Variants in RPTOR observed in about 807,000 individuals in gnomAD.
The protein encoded by RPTOR is regulatory-associated protein of mTOR.
In RPTOR, 21 loss-of-function variants were observed where a neutral mutation model predicts 169.9. The ratio of observed to expected loss-of-function variants is 0.12; its 90% CI spans 0.09 to 0.18. The LOEUF is 0.18. RPTOR is among the 10% of genes least tolerant of loss of function. RPTOR has a pLI of 1.00. For synonymous variants in RPTOR, 732 were observed against 753.2 expected (o/e 0.97, Z 0.46); for missense variants, 1,133 against 1,855.9 (o/e 0.61, Z 7.16).
chr17:80,594,460 A>C (rs2065130533), intron 1 of RPTOR, among the ~76,000 whole-genome samples: 4 of 152,242 alleles, frequency 2.6e-5, no homozygotes, highest in Admixed American at 2.6e-4. Flanking sequence ...CTACTATTAA[A>C]GGTGGACTTT....
chr17:80,843,277 C>G (rs1432657360), intron 10 of RPTOR, among the ~76,000 whole-genome samples: 5 of 152,166 alleles, frequency 3.3e-5, no homozygotes, highest in African/African-American at 4.8e-5. Context: ...TTTTTCTCTA[C>G]TAACAGTGAC....
chr17:80,955,538 C>G (rs1326772176), intron 28 of RPTOR, among the ~76,000 whole-genome samples: 1 of 152,128 alleles, frequency 6.6e-6, no homozygotes, highest in Non-Finnish European at 1.5e-5. Flanking sequence ...GTAAAGACAT[C>G]AATAGGTTTG....
intron 4 of RPTOR, among the ~76,000 whole-genome samples, chr17:80,711,455 G>A (rs983626414): frequency 2.0e-5 from 3 of 152,112 alleles, no homozygotes; most frequent in Non-Finnish European, 2.9e-5. Flanking sequence ...CCACATTACC[G>A]TCAAATTGCT....
rs150012849 is a variant in RPTOR, at chr17:80,688,812, A to G, written c.349-19029A>G. Among the ~76,000 whole-genome samples the G allele has an allele frequency of 2.1e-3, 326 of 152,318 alleles. 1 individual carries two copies. The highest frequency in any genetic ancestry group is 7.6e-3 in the African/African-American group (318 of 41,576). On this transcript the variant is annotated intron_variant, in intron 3 of 33. Transcript: ENST00000306801. ...AGTGGCAGGAATCGACTCCAAGGAC[A>G]CTGACCAGCTTGGGGCTGCTGCCTG...
chr17:80,655,598 G>T (rs1166906378), intron 3 of RPTOR, among the ~76,000 whole-genome samples: 2 of 149,458 alleles, frequency 1.3e-5, no homozygotes, highest in Admixed American at 1.3e-4. Context: ...TTTTGTAGAG[G>T]TGGTGTCTTG....
intron 5 of RPTOR, among the ~76,000 whole-genome samples, chr17:80,745,492 A>G (rs1190078013): frequency 6.8e-6 from 1 of 147,806 alleles, no homozygotes; most frequent in African/African-American, 2.5e-5. Flanking sequence ...TTTGATATAC[A>G]TAATTCTATC....
intron 4 of RPTOR, among the ~76,000 whole-genome samples, chr17:80,709,407 G>A (rs540433851): frequency 6.6e-6 from 1 of 152,186 alleles, no homozygotes; most frequent in South Asian, 2.1e-4. Flanking sequence ...TGGAGCCCCC[G>A]GTGTGCTGGC....
chr17:80,641,007 G>T (rs570304702), intron 2 of RPTOR, among the ~76,000 whole-genome samples: 1 of 152,212 alleles, frequency 6.6e-6, no homozygotes, highest in Non-Finnish European at 1.5e-5. Context: ...CATGCATGCG[G>T]CAAGGTCGCT....
intron 28 of RPTOR, among the ~76,000 whole-genome samples, chr17:80,950,627 C>T (rs1005132360): frequency 6.6e-6 from 1 of 152,132 alleles, no homozygotes; most frequent in Admixed American, 6.5e-5. Flanking sequence ...GCTTCCCCTG[C>T]GAGGCAACCC....
chr17:80,896,192 G>A (rs59698542), intron 20 of RPTOR, among the ~76,000 whole-genome samples: 110,078 of 151,402 alleles, frequency 0.73, 40,388 homozygotes, highest in Admixed American at 0.79. Flanking sequence ...GTGAGGTGGG[G>A]ATCCAGGTTG....
rs181621997 is a variant in RPTOR, at chr17:80,783,103, G to A, written c.831-8347G>A. ...GTTGGTTTTCTGCTTTTGCAAATTT[G>A]TACCAACTGTTGATCATCTCAAGGA... On this transcript the variant is annotated intron_variant, in intron 6 of 33. Coordinates refer to ENST00000306801, the MANE Select transcript of RPTOR (RefSeq NM_020761.3). Among the ~76,000 whole-genome samples the A allele has an allele frequency of 2.0e-3, 297 of 152,300 alleles. 1 individual carries two copies. The highest frequency in any genetic ancestry group is 6.9e-3 in the African/African-American group (287 of 41,544).
At chr17:80,905,016 C>T (rs978671856) in intron 20 of RPTOR, among the ~76,000 whole-genome samples, 5 of 151,634 alleles carry the variant, frequency 3.3e-5, no homozygotes, top group African/African-American at 1.2e-4. Flanking sequence ...CCTCGGTACG[C>T]GTGGGGGACT....
intron 21 of RPTOR, among the ~76,000 whole-genome samples, chr17:80,917,253 C>T (rs1384228808): frequency 6.6e-6 from 1 of 151,264 alleles, no homozygotes; most frequent in Non-Finnish European, 1.5e-5. Context: ...GCTGGGATTA[C>T]AGGCACGCGC....
intron 24 of RPTOR, among the ~76,000 whole-genome samples, chr17:80,931,474 G>A (rs1278412393): frequency 2.0e-5 from 3 of 152,188 alleles, no homozygotes; most frequent in Admixed American, 6.5e-5. Context: ...GGCCATGGAC[G>A]TCCACTGGGC....
At chr17:80,655,916 G>A (rs1015191248) in intron 3 of RPTOR, among the ~76,000 whole-genome samples, 2 of 152,036 alleles carry the variant, frequency 1.3e-5, no homozygotes, top group East Asian at 3.9e-4. Context: ...CAAGTCGGTG[G>A]ATCTGCCCCT....
intron 1 of RPTOR, among the ~76,000 whole-genome samples, chr17:80,617,826 C>T (rs920846862): frequency 4.6e-5 from 7 of 152,158 alleles, no homozygotes; most frequent in Middle Eastern, 3.2e-3. Context: ...CACGCTAGGC[C>T]TCAAGGTAGA....
At chr17:80,753,148 C>T (rs915380749) in intron 5 of RPTOR, among the ~76,000 whole-genome samples, 14 of 152,120 alleles carry the variant, frequency 9.2e-5, no homozygotes, top group African/African-American at 3.4e-4. Context: ...GATAAAATCC[C>T]CCTAATCCCC....
At chr17:80,822,410 T>G in intron 8 of RPTOR, 109 bp downstream of exon 8, 1 of 1,081,786 alleles carries the variant, frequency 9.2e-7, no homozygotes, top group Non-Finnish European at 1.4e-6. Context: ...GCCTCCCTAG[T>G]GAGGAAGACA....
Position 80,779,302 on chromosome 17 carries a change from C to T in RPTOR, c.831-12148C>T, listed in dbSNP as rs149667642. ...TACATCCCAGGACACTCTCACTGTC[C>T]TCCCATTGTCTGGTGTCTTGTTGAG... On this transcript the variant is annotated intron_variant, in intron 6 of 33. Coordinates refer to ENST00000306801, the MANE Select transcript of RPTOR (RefSeq NM_020761.3). Among the ~76,000 whole-genome samples the T allele has an allele frequency of 5.4e-4, 82 of 152,332 alleles. 1 individual carries two copies. Among genetic ancestry groups the T allele is most frequent in the African/African-American group, 1.8e-3 (75 of 41,586 alleles).
Sources: allele counts gnomAD v4.1 joint callset (sites outside exome capture counted in the v4.1 genomes callset), GRCh38; gene constraint gnomAD v4.1.1; transcripts MANE v1.5; gene names NCBI Gene and HGNC (gene_info 2026-07-23, HGNC 2026-07-21).